SAR1B: variants seen among roughly 807,000 people sequenced by gnomAD.
The protein encoded by SAR1B is small COPII coat GTPase SAR1B.
SAR1B carries 23 observed loss-of-function variants against 26.8 expected under a neutral mutation model. That is an observed-to-expected ratio of 0.86 (90% CI 0.62 to 1.22). The LOEUF (loss-of-function observed/expected upper bound fraction) is 1.22. Among genes scored for constraint, SAR1B ranks in the 50% most tolerant of loss-of-function variants. SAR1B has a pLI of 0.00. For missense variants in SAR1B, 196 were observed against 232.8 expected (o/e 0.84, Z 1.03); for synonymous variants, 65 against 80.8 (o/e 0.80, Z 1.05).
chr5:134,609,747 A>G (rs1338261634), intron 4 of SAR1B, 73 bp from the exon 5 acceptor site: 6 of 1,133,638 alleles, frequency 5.3e-6, no homozygotes, highest in African/African-American at 3.1e-5. Context: ...AAAGAGTCCA[A>G]CCAGATATCA....
chr5:134,612,726 G>T lies in SAR1B; in HGVS notation c.209C>A (p.Thr70Lys), dbSNP rs376731426. 7.5e-6 allele frequency: 11 copies of T among 1,473,334 alleles called. No homozygotes were observed. Among genetic ancestry groups the T allele is most frequent in the Non-Finnish European group, 1.0e-5 (11 of 1,102,140 alleles). 91.3% of individuals were successfully genotyped at this position (1,473,334 alleles called of 1,614,324 possible). Residue 70 changes from threonine (T) to lysine (K), a missense_variant, in exon 4 of 7, where the codon ACG becomes AAG. Coordinates refer to ENST00000402673, the MANE Select transcript of SAR1B (RefSeq NM_016103.4). The part of the protein sequence containing the change: ...TSEELTIAGM[T>K]FTTFDLGGHV... Reference sequence around the variant, plus strand: ...TCCACCCAGATCAAAAGTTGTAAACGTCATGCCAGCAATGGTCAGTTCTTC... The same window carrying T: ...TCCACCCAGATCAAAAGTTGTAAACTTCATGCCAGCAATGGTCAGTTCTTC...
intron 2 of SAR1B, among the ~76,000 whole-genome samples, chr5:134,622,341 TA>T: frequency 6.6e-6 from 1 of 151,964 alleles, no homozygotes; most frequent in Non-Finnish European, 1.5e-5. Flanking sequence ...TTACATAATT[TA>T]AAAGTAATTG....
At chr5:134,608,227 G>T in intron 6 of SAR1B, 145 bp downstream of exon 6, 1 of 810,026 alleles carries the variant, frequency 1.2e-6, no homozygotes, top group Non-Finnish European at 1.9e-6. Context: ...AAAGAAATGA[G>T]GACATTAAAA....
rs113318468 is a variant in SAR1B at position 134,619,005 on chromosome 5, GA to G, written c.178+1927del. On this transcript the variant is annotated intron_variant, in intron 3 of 6. Coordinates refer to ENST00000402673, the MANE Select transcript of SAR1B (RefSeq NM_016103.4). ...AGAGTGAGACTCTGTCTCAAAAAAG[GA>G]AAAAAAAAAAATTAGAGTCATTATT... Among the ~76,000 whole-genome samples, 255 of 129,866 alleles carry G rather than the reference GA, an allele frequency of 2.0e-3. 1 individual carries two copies. The highest frequency in any genetic ancestry group is 5.8e-3 in the African/African-American group (203 of 35,106). The allele number at this position is 129,866 out of a possible 152,430, so 85.2% of individuals were successfully genotyped here.
chr5:134,622,255 T>C (rs1053359629), intron 2 of SAR1B, among the ~76,000 whole-genome samples: 1 of 152,154 alleles, frequency 6.6e-6, no homozygotes, highest in African/African-American at 2.4e-5. Context: ...GAACTATATA[T>C]ATATTTTATC....
rs563066267 is a variant in SAR1B at position 134,617,667 on chromosome 5, T to C, written c.178+3266A>G. The stretch of plus-strand genomic sequence containing the variant: ...TCTCTTCCAGTTATGCTGGTTTTTG[T>C]TGGGTTTTTTTTCTGTGTTTTTTGT... On this transcript the variant is annotated intron_variant, in intron 3 of 6. Coordinates refer to ENST00000402673, the MANE Select transcript of SAR1B (RefSeq NM_016103.4). Among the ~76,000 whole-genome samples the C allele has an allele frequency of 3.9e-5, 6 of 152,222 alleles. No homozygotes were observed. The East Asian group carries it at 9.7e-4, about 24-fold the overall frequency.
In SAR1B at chr5:134,601,643, G is replaced by A. The variant is rs976415487; in HGVS notation, c.*5307C>T. 3 of 152,192 alleles carry A rather than the reference G, an allele frequency of 2.0e-5. No individual in the cohort carries two copies. The highest frequency in any genetic ancestry group is 7.2e-5 in the African/African-American group (3 of 41,438). The allele number at this position is 152,192 out of a possible 1,614,324, so 9.4% of individuals were successfully genotyped here. On this transcript the variant is annotated 3_prime_UTR_variant, in exon 7 of 7. Coordinates refer to ENST00000402673, the MANE Select transcript of SAR1B (RefSeq NM_016103.4). ...CACGTTAAGTTGGCCATTCTGACAT[G>A]AATCTATACTTGAAAATGAAAACAA...
In SAR1B at chr5:134,631,441, A is replaced by T. The variant is rs953113902; in HGVS notation, c.-19+1287T>A. ...CCACCATTTATTTGTCATCTGTAAA[A>T]TGACAGCTAGTGCCTTACTCATAGT... is the stretch of plus-strand genomic sequence containing the variant. On this transcript the variant is annotated intron_variant, in intron 1 of 6. Coordinates refer to ENST00000402673, the MANE Select transcript of SAR1B (RefSeq NM_016103.4). Among the ~76,000 whole-genome samples the T allele has an allele frequency of 2.0e-5, 3 of 152,186 alleles. No individual in the cohort carries two copies. In the South Asian group the frequency reaches 6.2e-4, roughly 31 times the overall value.
At chr5:134,608,315 A>G in intron 6 of SAR1B, 57 bp downstream of exon 6, 1 of 1,487,832 alleles carries the variant, frequency 6.7e-7, no homozygotes, top group Non-Finnish European at 9.1e-7. Context: ...GTAATTTAAG[A>G]AGACATTTGT....
At chr5:134,614,904 G>C (rs1765282026) in intron 3 of SAR1B, 1 of 152,192 alleles carries the variant, frequency 6.6e-6, no homozygotes, top group South Asian at 2.1e-4. Context: ...GAAAACAGTT[G>C]TAGCATCTTT....
rs758477991 is a variant in SAR1B, at chr5:134,606,018, C to T, written c.*932G>A. 2.0e-5 allele frequency: 3 copies of T among 152,164 alleles called. No individual in the cohort carries two copies. The highest frequency in any genetic ancestry group is 6.6e-5 in the Admixed American group (1 of 15,256). The allele number at this position is 152,164 out of a possible 1,614,324, so 9.4% of individuals were successfully genotyped here. ...CCTGTCATTGCTTTTGGGGAAGAGG[C>T]ACAGATTACCCCATTGGGCACCAAT... On this transcript the variant is annotated 3_prime_UTR_variant, in exon 7 of 7. Coordinates refer to ENST00000402673, the MANE Select transcript of SAR1B (RefSeq NM_016103.4).
intron 2 of SAR1B, among the ~76,000 whole-genome samples, chr5:134,622,173 C>G (rs375690437): frequency 1.3e-5 from 2 of 152,124 alleles, no homozygotes; most frequent in Non-Finnish European, 2.9e-5. Flanking sequence ...TAAAATAACA[C>G]TTACTCCTTT....
rs34365859 is a variant in SAR1B, at chr5:134,612,641, T to TAAAAAAAAAAAAAAAAAAAAAAA, written c.244+27_244+49dup. 2.9e-5 allele frequency: 22 copies of TAAAAAAAAAAAAAAAAAAAAAAA among 767,846 alleles called. 1 individual carries two copies. The highest frequency in any genetic ancestry group is 3.4e-5 in the Non-Finnish European group (21 of 609,178). 47.6% of individuals were successfully genotyped at this position (767,846 alleles called of 1,614,324 possible). On this transcript the variant is annotated intron_variant, in intron 4 of 6. Coordinates refer to ENST00000402673, the MANE Select transcript of SAR1B (RefSeq NM_016103.4). Reference sequence around the variant, plus strand: ...GCCTGGGAGACAGAGTGAGCCTGTCTAAAAAAAAAAAAAAAAAAAAAAAAA... The same window carrying TAAAAAAAAAAAAAAAAAAAAAAA: ...GCCTGGGAGACAGAGTGAGCCTGTCTAAAAAAAAAAAAAAAAAAAAAAAAAAAAAAAAAAAAAAAAAAAAAAAA...
At chr5:134,628,008 G>A (rs77998762) in intron 1 of SAR1B, among the ~76,000 whole-genome samples, 1 of 151,360 alleles carries the variant, frequency 6.6e-6, no homozygotes, top group Non-Finnish European at 1.5e-5. Context: ...GCATGGTGGT[G>A]CATGCCTATA....
At chr5:134,631,301 A>G in intron 1 of SAR1B, among the ~76,000 whole-genome samples, 1 of 152,192 alleles carries the variant, frequency 6.6e-6, no homozygotes, top group East Asian at 1.9e-4. Context: ...CTACAAACTC[A>G]GAAAATGCCA....
chr5:134,621,656 T>C (rs965752021), intron 2 of SAR1B, among the ~76,000 whole-genome samples: 1 of 152,206 alleles, frequency 6.6e-6, no homozygotes, highest in Non-Finnish European at 1.5e-5. Flanking sequence ...GATTGATAGA[T>C]AAATTGATAA....
At chr5:134,615,908 G>A (rs1271102888) in intron 3 of SAR1B, among the ~76,000 whole-genome samples, 1 of 152,020 alleles carries the variant, frequency 6.6e-6, no homozygotes, top group Admixed American at 6.6e-5. Flanking sequence ...AGGCCGAGGC[G>A]GGTGGATCAC....
chr5:134,627,862 G>C (rs1466267977), intron 1 of SAR1B, among the ~76,000 whole-genome samples: 1 of 150,238 alleles, frequency 6.7e-6, no homozygotes, highest in East Asian at 2.0e-4. Flanking sequence ...ATTAAGGGCC[G>C]GGAGCAGTGG....
At chr5:134,620,837 G>A in intron 3 of SAR1B, 96 bp downstream of exon 3, 1 of 1,417,716 alleles carries the variant, frequency 7.1e-7, no homozygotes, top group Non-Finnish European at 9.9e-7. Flanking sequence ...CTGGGCAACA[G>A]AGAAAGACCC....
Sources: allele counts gnomAD v4.1 joint callset (sites outside exome capture counted in the v4.1 genomes callset), GRCh38; gene constraint gnomAD v4.1.1; transcripts MANE v1.5; gene names NCBI Gene and HGNC (gene_info 2026-07-23, HGNC 2026-07-21).